The following FKTN variants were observed in gnomAD, a reference collection of about 807,000 sequenced individuals.
FKTN encodes the protein ribitol-5-phosphate transferase FKTN.
In FKTN, 47 loss-of-function variants were observed where a neutral mutation model predicts 58.6. The ratio of observed to expected loss-of-function variants is 0.80; its 90% CI spans 0.63 to 1.02. The LOEUF (loss-of-function observed/expected upper bound fraction) is 1.02, where lower values mean the gene tolerates loss of function less well. Ranked by LOEUF, FKTN falls within the 50% of genes least tolerant of loss-of-function variation. The pLI is 0.00. For missense variants in FKTN, 516 were observed against 537.3 expected (o/e 0.96, Z 0.39); for synonymous variants, 178 against 191.9 (o/e 0.93, Z 0.60).
rs879020291 is a variant in FKTN, at chr9:105,638,686, AT to A, written c.*3432del. 1.2e-3 allele frequency: 1,094 copies of A among 916,776 alleles called. 3 individuals carry two copies. Among genetic ancestry groups the A allele is most frequent in the South Asian group, 9.3e-3 (184 of 19,824 alleles). 56.8% of individuals were successfully genotyped at this position (916,776 alleles called of 1,614,324 possible). ...CTGGAGTCACTTTGCAGTTTTCAAG[AT>A]TTTTTTTTTATCTGCTTGGCTGGAA... On this transcript the variant is annotated 3_prime_UTR_variant, in exon 11 of 11. Coordinates refer to ENST00000357998, the MANE Select transcript of FKTN (RefSeq NM_001079802.2).
Position 105,604,246 on chromosome 9 carries a change from G to A in FKTN, c.401G>A (p.Gly134Glu). The A allele has an allele frequency of 1.2e-6, 2 of 1,612,672 alleles. No homozygotes were observed. Among genetic ancestry groups the A allele is most frequent in the Non-Finnish European group, 1.7e-6 (2 of 1,179,990 alleles). ...TGGTTTCGGATAGCTGAGAATATGG[G>A]ATTTCAGTGCCTAAAGATTGAGAGT... ...EGWFRIAENMGFQCLKIESKD... is the reference protein window; with the variant it reads ...EGWFRIAENMEFQCLKIESKD... The change falls in exon 6 of 11, where the codon GGA becomes GAA. Residue 134 changes from glycine to glutamate, a missense_variant. Transcript: ENST00000357998.
chr9:105,582,421 C>G (rs886943670), intron 3 of FKTN, among the ~76,000 whole-genome samples: 6 of 152,146 alleles, frequency 3.9e-5, no homozygotes, highest in African/African-American at 1.4e-4. Context: ...GTCTTGAACT[C>G]CTGGCCTCAG....
chr9:105,601,380 G>C (rs780614554), intron 5 of FKTN, 32 bp downstream of exon 5: 1 of 1,432,594 alleles, frequency 7.0e-7, no homozygotes, highest in Non-Finnish European at 9.8e-7. Flanking sequence ...AATGGAATGT[G>C]TCTCTTTTTA....
chr9:105,615,826 A>G (rs559626309), intron 8 of FKTN, among the ~76,000 whole-genome samples: 3 of 152,350 alleles, frequency 2.0e-5, no homozygotes, highest in African/African-American at 7.2e-5. Context: ...TAAGAGATGA[A>G]CAACAATAAA....
Position 105,601,136 on chromosome 9 carries a change from C to T in FKTN, c.166-9C>T, listed in dbSNP as rs1361772036. The T allele has an allele frequency of 6.6e-7, 1 of 1,526,620 alleles. No homozygotes were observed. Among genetic ancestry groups the T allele is most frequent in the Admixed American group, 1.7e-5 (1 of 59,246 alleles). The allele number at this position is 1,526,620 out of a possible 1,614,324, so 94.6% of individuals were successfully genotyped here. ...CTGGAATTACGAGAATTCTTTTTCT[C>T]TCAAACAGCGTGCAGTTAAAAAATT... is the stretch of plus-strand genomic sequence containing the variant. On this transcript the variant is annotated splice_polypyrimidine_tract_variant and intron_variant, in intron 4 of 10. Transcript: ENST00000357998.
At chr9:105,602,730 A>ATT (rs994139141) in intron 5 of FKTN, among the ~76,000 whole-genome samples, 1 of 149,992 alleles carries the variant, frequency 6.7e-6, no homozygotes, top group East Asian at 2.0e-4. Context: ...TGATTTTTGT[A>ATT]TTTTTTTTTA....
intron 6 of FKTN, 120 bp from the exon 7 acceptor site, chr9:105,607,699 G>A: frequency 1.2e-6 from 1 of 818,564 alleles, no homozygotes; most frequent in Non-Finnish European, 2.1e-6. Flanking sequence ...ATGGTAGTTT[G>A]CTGCACCTAT....
chr9:105,575,745 T>C (rs949463520), intron 3 of FKTN, among the ~76,000 whole-genome samples: 5 of 152,108 alleles, frequency 3.3e-5, no homozygotes, highest in Non-Finnish European at 7.4e-5. Context: ...AAAACAATCA[T>C]GGGGAAGAAA....
chr9:105,621,281 TGAGTA>T lies in FKTN; in HGVS notation c.1172+1227_1172+1231del, dbSNP rs1481424202. Among the ~76,000 whole-genome samples the T allele has an allele frequency of 3.9e-5, 6 of 152,134 alleles. No individual in the cohort carries two copies. In the East Asian group the frequency reaches 9.6e-4, roughly 24 times the overall value. ...GGCAGAGAAAAGAACAGGAGATGGCTGAGTAGAGTAGTTTCTTTGGAAGATTCCCC... is the reference window on the plus strand; with the variant it reads ...GGCAGAGAAAAGAACAGGAGATGGCTGAGTAGTTTCTTTGGAAGATTCCCC... On this transcript the variant is annotated intron_variant, in intron 10 of 10. Transcript: ENST00000357998.
Position 105,607,859 on chromosome 9 carries a change from C to A in FKTN, c.688C>A (p.Leu230Ile), listed in dbSNP as rs1217525196. The A allele has an allele frequency of 6.2e-7, 1 of 1,612,294 alleles. No individual in the cohort carries two copies. Among genetic ancestry groups the A allele is most frequent in the East Asian group, 2.2e-5 (1 of 44,778 alleles). ...AGTTACTGTTGATGGACTGGAAGTT[C>A]TCATTCCAAAGGATCCAATGCACTT... ...QQVTVDGLEV[L>I]IPKDPMHFVE... The change falls in exon 7 of 11, where the codon CTC becomes ATC. Residue 230 changes from leucine (L) to isoleucine (I), a missense_variant. By Grantham distance (5) the Leu-to-Ile change is conservative. Coordinates refer to ENST00000357998, the MANE Select transcript of FKTN (RefSeq NM_001079802.2).
At chr9:105,614,555 TACAC>T (rs1402456566) in intron 7 of FKTN, among the ~76,000 whole-genome samples, 3 of 152,182 alleles carry the variant, frequency 2.0e-5, no homozygotes, top group Non-Finnish European at 4.4e-5. Context: ...TCTACTATAC[TACAC>T]AGTCTCTAAA....
At chr9:105,628,502 T>C (rs886844486) in intron 10 of FKTN, among the ~76,000 whole-genome samples, 2 of 152,224 alleles carry the variant, frequency 1.3e-5, no homozygotes, top group East Asian at 1.9e-4. Flanking sequence ...AAGTAAGTTA[T>C]GTTTTTTAAA....
intron 1 of FKTN, among the ~76,000 whole-genome samples, chr9:105,569,761 G>C (rs1444308868): frequency 6.6e-6 from 1 of 152,056 alleles, no homozygotes; most frequent in African/African-American, 2.4e-5. Context: ...AGATTATTGG[G>C]CTACTTAAAC....
At chr9:105,622,162 C>T (rs937714654) in intron 10 of FKTN, among the ~76,000 whole-genome samples, 20 of 151,980 alleles carry the variant, frequency 1.3e-4, no homozygotes, top group Admixed American at 1.1e-3. Flanking sequence ...ACTAAATCTA[C>T]CATACACCAA....
intron 10 of FKTN, chr9:105,623,022 C>T (rs1225862996): frequency 6.6e-6 from 1 of 152,012 alleles, no homozygotes; most frequent in Non-Finnish European, 1.5e-5. Context: ...AAAATATTGA[C>T]TGGATTCTTT....
intron 3 of FKTN, among the ~76,000 whole-genome samples, chr9:105,582,917 A>G (rs752813612): frequency 1.7e-4 from 26 of 152,240 alleles, no homozygotes; most frequent in Non-Finnish European, 2.4e-4. Flanking sequence ...TAGAGGAATT[A>G]TCTGTCCATA....
intron 1 of FKTN, among the ~76,000 whole-genome samples, chr9:105,573,237 T>TC (rs1353342782): frequency 2.5e-5 from 2 of 81,134 alleles, no homozygotes; most frequent in Non-Finnish European, 4.8e-5. Flanking sequence ...AGACTCTGTC[T>TC]CAAAAAAAAA....
At chr9:105,570,466 T>C (rs1173541731) in intron 1 of FKTN, among the ~76,000 whole-genome samples, 1 of 152,196 alleles carries the variant, frequency 6.6e-6, no homozygotes, top group Non-Finnish European at 1.5e-5. Context: ...TTATCTCTGA[T>C]AGAGTCCATC....
At chr9:105,607,271 G>A (rs902267656) in intron 6 of FKTN, among the ~76,000 whole-genome samples, 1 of 152,000 alleles carries the variant, frequency 6.6e-6, no homozygotes, top group Non-Finnish European at 1.5e-5. Context: ...TCAGGCCATT[G>A]TAATTAACTT....
Sources: allele counts gnomAD v4.1 joint callset (sites outside exome capture counted in the v4.1 genomes callset), GRCh38; gene constraint gnomAD v4.1.1; transcripts MANE v1.5; gene names NCBI Gene and HGNC (gene_info 2026-07-23, HGNC 2026-07-21).